Variants in ORC2 observed in about 807,000 individuals in gnomAD.
ORC2 encodes the protein origin recognition complex subunit 2.
In ORC2, 37 loss-of-function variants were observed where a neutral mutation model predicts 77.7. The observed-to-expected ratio is 0.48, with a 90% CI of 0.37 to 0.63. ORC2 has a LOEUF of 0.63. Ranked by LOEUF, ORC2 falls within the 20% of genes least tolerant of loss-of-function variation. The pLI, the probability that ORC2 is intolerant of heterozygous loss-of-function variation, is 0.00. For missense variants in ORC2, 557 were observed against 661.9 expected (o/e 0.84, Z 1.74); for synonymous variants, 201 against 229.5 (o/e 0.88, Z 1.12).
intron 4 of ORC2, among the ~76,000 whole-genome samples, chr2:200,954,036 CT>C (rs530284196): frequency 1.5e-3 from 215 of 140,202 alleles, no homozygotes; most frequent in Non-Finnish European, 1.6e-3. Flanking sequence ...CTTTCTTTTT[CT>C]TTTTTTTTTT....
rs1334476557 is a variant in ORC2 at position 200,911,194 on chromosome 2, T to A, written c.*107A>T. ...CCCCTTCCCAAATTTAAATCTTGTATGCTGGAAAAATAATTTAATGTCAGA... is the reference window on the plus strand; with the variant it reads ...CCCCTTCCCAAATTTAAATCTTGTAAGCTGGAAAAATAATTTAATGTCAGA... On this transcript the variant is annotated 3_prime_UTR_variant, in exon 18 of 18. Coordinates refer to ENST00000234296, the MANE Select transcript of ORC2 (RefSeq NM_006190.5). The A allele has an allele frequency of 1.6e-5, 11 of 703,874 alleles. No homozygotes were observed. The highest frequency in any genetic ancestry group is 2.7e-5 in the Non-Finnish European group (11 of 402,270). The allele number at this position is 703,874 out of a possible 1,614,324, so 43.6% of individuals were successfully genotyped here. A position where few individuals can be genotyped will look rare whatever the true frequency, so the allele number is the denominator to read the frequency against.
chr2:200,915,003 C>CTTTTT lies in ORC2; in HGVS notation c.1467-1016_1467-1012dup, dbSNP rs1158807101. On this transcript the variant is annotated intron_variant, in intron 15 of 17. Coordinates refer to ENST00000234296, the MANE Select transcript of ORC2 (RefSeq NM_006190.5). ...CTTCACTTTTTGATTCTTCCCACGT[C>CTTTTT]TTTTTTTTTTTTTTTTTTTTTTTTT... Among the ~76,000 whole-genome samples, 58 of 65,284 alleles carry CTTTTT rather than the reference C, an allele frequency of 8.9e-4. 5 individuals are homozygous for CTTTTT. The highest frequency in any genetic ancestry group is 1.1e-3 in the Non-Finnish European group (37 of 33,538). 42.8% of individuals were successfully genotyped at this position (65,284 alleles called of 152,430 possible). A position where few individuals can be genotyped will look rare whatever the true frequency, so the allele number is the denominator to read the frequency against.
chr2:200,912,923 A>G (rs1337622190), intron 17 of ORC2, among the ~76,000 whole-genome samples: 9 of 152,336 alleles, frequency 5.9e-5, no homozygotes, highest in African/African-American at 2.2e-4. Flanking sequence ...AAGAAAAGCA[A>G]TCAGATTTTT....
At chr2:200,938,621 T>C (rs1336179988) in intron 7 of ORC2, among the ~76,000 whole-genome samples, 1 of 152,230 alleles carries the variant, frequency 6.6e-6, no homozygotes, top group African/African-American at 2.4e-5. Context: ...AAATTTCTAA[T>C]AGTACTGATA....
Position 200,920,987 on chromosome 2 carries a change from A to C in ORC2, c.1294+6T>G, listed in dbSNP as rs2040747276. On this transcript the variant is annotated splice_donor_region_variant and intron_variant, in intron 14 of 17. Coordinates refer to ENST00000234296, the MANE Select transcript of ORC2 (RefSeq NM_006190.5). ...CTAGAAGGAAAAATAGTAACAATTAACTTACTGAGAGGAGCATTGAGGTGG... is the reference window on the plus strand; with the variant it reads ...CTAGAAGGAAAAATAGTAACAATTACCTTACTGAGAGGAGCATTGAGGTGG... 2 of 1,542,178 alleles carry C rather than the reference A, an allele frequency of 1.3e-6. No homozygotes were observed. The highest frequency in any genetic ancestry group is 1.8e-6 in the Non-Finnish European group (2 of 1,142,216).
At chr2:200,947,958 G>A (rs1402276378) in intron 5 of ORC2, among the ~76,000 whole-genome samples, 2 of 151,746 alleles carry the variant, frequency 1.3e-5, no homozygotes, top group Non-Finnish European at 2.9e-5. Context: ...GCCCAGGCTG[G>A]AGTGCAGTGG....
At chr2:200,934,936 G>A (rs967146613) in intron 9 of ORC2, among the ~76,000 whole-genome samples, 2 of 152,114 alleles carry the variant, frequency 1.3e-5, no homozygotes, top group Non-Finnish European at 2.9e-5. Context: ...TGCCTGCAAT[G>A]TTCTTCCAAA....
intron 4 of ORC2, among the ~76,000 whole-genome samples, chr2:200,950,097 C>G (rs557864619): frequency 2.0e-5 from 3 of 152,290 alleles, no homozygotes; most frequent in African/African-American, 7.2e-5. Flanking sequence ...CTTTGGGAGG[C>G]TGAGCCAGGT....
intron 5 of ORC2, among the ~76,000 whole-genome samples, chr2:200,946,583 T>C (rs889096917): frequency 4.6e-5 from 7 of 152,212 alleles, no homozygotes; most frequent in African/African-American, 1.7e-4. Context: ...TCAGATATGA[T>C]GACAGAAATG....
At chr2:200,918,204 T>C (rs2040691842) in intron 15 of ORC2, among the ~76,000 whole-genome samples, 1 of 152,228 alleles carries the variant, frequency 6.6e-6, no homozygotes, top group Non-Finnish European at 1.5e-5. Flanking sequence ...GTCAATATCC[T>C]GGCTGCCAAT....
In ORC2 at chr2:200,937,960, C is replaced by A; in HGVS notation, c.460G>T (p.Asp154Tyr). ...ASDKVQPKNN[D>Y]KSEFLSTAPR... ...GCTGTTGACAGAAATTCACTTTTGT[C>A]ATTGTTCTGTTTAGAAATAGAAAAA... The change falls in exon 8 of 18, where the codon GAC (aspartate) becomes TAC (tyrosine). Residue 154 changes from aspartate (D) to tyrosine (Y), a missense_variant. By Grantham distance (160) the Asp-to-Tyr change is radical. Transcript: ENST00000234296. The A allele has an allele frequency of 6.3e-7, 1 of 1,594,814 alleles. No individual in the cohort carries two copies. The highest frequency in any genetic ancestry group is 1.1e-5 in the South Asian group (1 of 89,830).
chr2:200,931,461 G>A lies in ORC2; in HGVS notation c.808-13C>T. The stretch of plus-strand genomic sequence containing the variant: ...TACGCAAAGTTTGCTTTAAAAAAAA[G>A]GAGGAGGGGAAAAAAGTCATTCTCA... On this transcript the variant is annotated splice_polypyrimidine_tract_variant and intron_variant, in intron 10 of 17. Transcript: ENST00000234296. The A allele has an allele frequency of 1.4e-6, 2 of 1,409,954 alleles. No individual in the cohort carries two copies. The highest frequency in any genetic ancestry group is 9.8e-7 in the Non-Finnish European group (1 of 1,020,830). The allele number at this position is 1,409,954 out of a possible 1,614,324, so 87.3% of individuals were successfully genotyped here.
At chr2:200,962,195 A>G (rs1422021863) in intron 1 of ORC2, among the ~76,000 whole-genome samples, 1 of 152,238 alleles carries the variant, frequency 6.6e-6, no homozygotes, top group Non-Finnish European at 1.5e-5. Context: ...CAAACGAACA[A>G]AAAAACCTAA....
At chr2:200,956,665 A>G (rs998354333) in intron 4 of ORC2, among the ~76,000 whole-genome samples, 1 of 152,144 alleles carries the variant, frequency 6.6e-6, no homozygotes, top group Admixed American at 6.6e-5. Context: ...CTAGCTACTC[A>G]GGTGGCTAAG....
chr2:200,926,676 CAAA>C (rs2040843050), intron 12 of ORC2, 89 bp downstream of exon 12: 2 of 1,354,592 alleles, frequency 1.5e-6, no homozygotes, highest in Non-Finnish European at 2.1e-6. Flanking sequence ...AAGGCTAAAA[CAAA>C]AATTCTTTAA....
intron 15 of ORC2, among the ~76,000 whole-genome samples, chr2:200,916,210 T>C (rs552923985): frequency 2.6e-5 from 4 of 152,230 alleles, no homozygotes; most frequent in African/African-American, 9.6e-5. Flanking sequence ...AGACTGGGCA[T>C]GGTGGCTCAT....
chr2:200,931,289 A>G, intron 11 of ORC2, 50 bp downstream of exon 11: 1 of 758,956 alleles, frequency 1.3e-6, no homozygotes, highest in Non-Finnish European at 2.1e-6. Context: ...ATAAAGATTC[A>G]TGTAAATATT....
intron 13 of ORC2, 163 bp from the exon 14 acceptor site, chr2:200,921,302 C>T (rs577719486): frequency 1.1e-4 from 45 of 397,712 alleles, no homozygotes; most frequent in African/African-American, 8.0e-4. Flanking sequence ...TGGAACTAGG[C>T]GCACACCACC....
intron 1 of ORC2, chr2:200,963,188 A>C (rs2041613435): frequency 2.8e-6 from 1 of 359,084 alleles, no homozygotes; most frequent in Non-Finnish European, 5.0e-6. Context: ...GGGCAGACTA[A>C]CGAAAGGTCC....
Sources: allele counts gnomAD v4.1 joint callset (sites outside exome capture counted in the v4.1 genomes callset), GRCh38; gene constraint gnomAD v4.1.1; transcripts MANE v1.5; gene names NCBI Gene and HGNC (gene_info 2026-07-23, HGNC 2026-07-21).